MYH15: variants seen among roughly 807,000 people sequenced by gnomAD.
The protein encoded by MYH15 is myosin-15.
MYH15 carries 227 observed loss-of-function variants against 240.5 expected under a neutral mutation model. That is an observed-to-expected ratio of 0.94 (90% CI 0.85 to 1.05). The LOEUF is 1.05. Ranked by LOEUF, MYH15 falls within the 50% of genes least tolerant of loss-of-function variation. The pLI is 0.00. For synonymous variants in MYH15, 785 were observed against 796.7 expected, an observed-to-expected ratio of 0.99 and a Z score of 0.25; for missense variants, 2,217 against 2,247.5, an observed-to-expected ratio of 0.99 and a Z score of 0.27.
At chr3:108,466,603 G>A (rs1242844457) in intron 14 of MYH15, among the ~76,000 whole-genome samples, 2 of 152,152 alleles carry the variant, frequency 1.3e-5, no homozygotes, top group African/African-American at 4.8e-5. Context: ...CATAGTGCCT[G>A]CTTATACCTG....
At chr3:108,474,911 A>G (rs1206521703) in intron 12 of MYH15, among the ~76,000 whole-genome samples, 1 of 152,192 alleles carries the variant, frequency 6.6e-6, no homozygotes, top group Non-Finnish European at 1.5e-5. Flanking sequence ...GAGTACTAAG[A>G]TGAATTAGAC....
At chr3:108,538,238 A>G in the MYH15 span, among the ~76,000 whole-genome samples, 3 of 152,200 alleles carry the variant, frequency 2.0e-5, no homozygotes, top group Non-Finnish European at 4.4e-5. Context: ...CCAAGTTGTT[A>G]GATGCCAGAC....
intron 21 of MYH15, among the ~76,000 whole-genome samples, chr3:108,450,896 G>GT (rs1478955790): frequency 6.6e-6 from 1 of 151,848 alleles, no homozygotes; most frequent in Non-Finnish European, 1.5e-5. Flanking sequence ...AAGAATAAAG[G>GT]TAAGATCAGA....
At chr3:108,480,730 C>T (rs544675148) in intron 11 of MYH15, among the ~76,000 whole-genome samples, 11 of 152,112 alleles carry the variant, frequency 7.2e-5, no homozygotes, top group African/African-American at 2.4e-4. Flanking sequence ...AATAGAAATG[C>T]CAATAGGAAG....
At chr3:108,420,978 A>T in intron 28 of MYH15, 110 bp downstream of exon 28, 1 of 1,461,706 alleles carries the variant, frequency 6.8e-7, no homozygotes, top group African/African-American at 1.4e-5. Context: ...CTCCCCTAGG[A>T]TCTTCAGATG....
upstream of MYH15, among the ~76,000 whole-genome samples, chr3:108,531,266 C>T (rs1391304743): frequency 1.3e-5 from 2 of 152,080 alleles, no homozygotes; most frequent in Non-Finnish European, 2.9e-5. Context: ...CATGACAGAT[C>T]CCAGAGAAGC....
In MYH15 at chr3:108,462,579, A is replaced by G. The variant is rs981962698; in HGVS notation, c.1864+532T>C. On this transcript the variant is annotated intron_variant, in intron 16 of 40. Transcript: ENST00000693548. ...AAATGAGTAAGATAATGTATCTAAC[A>G]GTACTTTGTAAATTACAAACTACTA... is the stretch of plus-strand genomic sequence containing the variant. 4.6e-5 allele frequency among the ~76,000 whole-genome samples: 7 copies of G among 152,226 alleles called. 1 individual carries two copies. Among genetic ancestry groups the G allele is most frequent in the Admixed American group, 4.6e-4 (7 of 15,290 alleles).
Position 108,470,798 on chromosome 3 carries a change from A to T in MYH15, c.1283T>A (p.Phe428Tyr), listed in dbSNP as rs1199899116. Reference protein sequence around the residue: ...ALSKSMYERMFKWLVARINRA... With the variant: ...ALSKSMYERMYKWLVARINRA... ...GTTGATCCGTGCCACTAGCCACTTAAACATCCTTTCATACATTGACTTGGA... is the reference window on the plus strand; with the variant it reads ...GTTGATCCGTGCCACTAGCCACTTATACATCCTTTCATACATTGACTTGGA... The change falls in exon 13 of 41, where the codon TTT becomes TAT. Residue 428 changes from phenylalanine (F) to tyrosine (Y), a missense_variant. Physicochemically the swap from Phe to Tyr is conservative, Grantham distance 22. Transcript: ENST00000693548. 6.2e-7 allele frequency: 1 copy of T among 1,613,878 alleles called. No individual in the cohort carries two copies. Among genetic ancestry groups the T allele is most frequent in the Admixed American group, 1.7e-5 (1 of 59,986 alleles).
chr3:108,480,444 T>C (rs2083258043), intron 11 of MYH15, among the ~76,000 whole-genome samples: 1 of 152,194 alleles, frequency 6.6e-6, no homozygotes, highest in Non-Finnish European at 1.5e-5. Flanking sequence ...AATGCCGCTA[T>C]AACATATTAA....
rs1213364367 is a variant in MYH15, at chr3:108,383,655, T to C, written c.5706A>G (p.Ala1902=). Residue 1902 remains alanine (A), a synonymous_variant, in exon 40 of 41, where the codon GCA becomes GCG. Transcript: ENST00000693548. ...TATTGACTTGAGATTCTGCCACCTCTGCCCTTTCCTTCACTTCATTCAACT... is the reference window on the plus strand; with the variant it reads ...TATTGACTTGAGATTCTGCCACCTCCGCCCTTTCCTTCACTTCATTCAACT... The part of the protein sequence containing the change: ...QHELNEVKER[A]EVAESQVNKL... 2 of 1,613,032 alleles carry C rather than the reference T, an allele frequency of 1.2e-6. No homozygotes were observed. The highest frequency in any genetic ancestry group is 3.3e-5 in the Admixed American group (2 of 59,936).
Position 108,502,304 on chromosome 3 carries a change from C to T in MYH15, c.196-449G>A, listed in dbSNP as rs142206920. Among the ~76,000 whole-genome samples, 907 of 152,246 alleles carry T rather than the reference C, an allele frequency of 6.0e-3. 7 individuals carry two copies. Among genetic ancestry groups the T allele is most frequent in the African/African-American group, 0.021 (872 of 41,544 alleles). ...TCAAAACCTGTCTCCTCCCTCAAAC[C>T]TTCCCAACTACTCCAGCTTATTAGT... is the stretch of plus-strand genomic sequence containing the variant. On this transcript the variant is annotated intron_variant, in intron 2 of 40. Coordinates refer to ENST00000693548, the MANE Select transcript of MYH15 (RefSeq NM_014981.3).
intron 27 of MYH15, among the ~76,000 whole-genome samples, chr3:108,427,463 G>C (rs62268020): frequency 0.019 from 2,912 of 152,232 alleles, 40 homozygotes; most frequent in Non-Finnish European, 0.024. Context: ...GAAGCAGAGA[G>C]ACCTCACCAG....
At chr3:108,398,942 T>C (rs372880170) in intron 34 of MYH15, 102 bp from the exon 35 acceptor site, 3 of 1,445,788 alleles carry the variant, frequency 2.1e-6, no homozygotes, top group South Asian at 1.2e-5. Flanking sequence ...GACATAAGCA[T>C]GCTCCTTCTC....
chr3:108,479,506 A>C (rs1053562431), intron 11 of MYH15, among the ~76,000 whole-genome samples: 15 of 152,200 alleles, frequency 9.9e-5, no homozygotes, highest in Non-Finnish European at 2.2e-4. Context: ...GTAGTCCTCA[A>C]CTTTGACTGC....
At chr3:108,468,218 G>T (rs2083138667) in intron 14 of MYH15, among the ~76,000 whole-genome samples, 1 of 152,224 alleles carries the variant, frequency 6.6e-6, no homozygotes, top group East Asian at 1.9e-4. Context: ...CACTCACCTT[G>T]GCCTCCCAAA....
intron 37 of MYH15, among the ~76,000 whole-genome samples, chr3:108,389,694 A>T (rs2082409613): frequency 6.6e-6 from 1 of 152,254 alleles, no homozygotes; most frequent in Non-Finnish European, 1.5e-5. Context: ...GGAAGCAGAC[A>T]GACAAAACAA....
intron 3 of MYH15, 83 bp downstream of exon 3, chr3:108,501,629 A>C: frequency 6.4e-7 from 1 of 1,559,216 alleles, no homozygotes; most frequent in Non-Finnish European, 8.8e-7. Flanking sequence ...GCTTAAACTC[A>C]ATGTAAGAGA....
intron 25 of MYH15, among the ~76,000 whole-genome samples, chr3:108,432,154 G>A (rs2082784418): frequency 1.3e-5 from 2 of 152,250 alleles, no homozygotes; most frequent in East Asian, 1.9e-4. Context: ...CACCTCCCAG[G>A]TTCAAGCAAT....
chr3:108,394,846 A>G (rs1430223491), intron 35 of MYH15, among the ~76,000 whole-genome samples: 3 of 151,670 alleles, frequency 2.0e-5, no homozygotes, highest in Admixed American at 1.3e-4. Flanking sequence ...GGGTGTGAAA[A>G]CTCGCAGTGT....
Sources: allele counts gnomAD v4.1 joint callset (sites outside exome capture counted in the v4.1 genomes callset), GRCh38; gene constraint gnomAD v4.1.1; transcripts MANE v1.5; gene names NCBI Gene and HGNC (gene_info 2026-07-23, HGNC 2026-07-21).